The following SP140 variants were observed in gnomAD, a reference collection of about 807,000 sequenced individuals.
The protein encoded by SP140 is nuclear body protein SP140.
Under a neutral mutation model 125.0 loss-of-function variants are expected in SP140, and 81 were observed. That is an observed-to-expected ratio of 0.65 (90% CI 0.54 to 0.78). The LOEUF (loss-of-function observed/expected upper bound fraction) is 0.78. SP140 is among the 30% of genes least tolerant of loss of function. The pLI is 0.00. For synonymous variants in SP140, 312 were observed against 354.0 expected, an observed-to-expected ratio of 0.88 and a Z score of 1.33; for missense variants, 858 against 1,037.0, an observed-to-expected ratio of 0.83 and a Z score of 2.37.
At chr2:230,250,739 G>C (rs9989735) in intron 9 of SP140, among the ~76,000 whole-genome samples, 21,548 of 152,102 alleles carry the variant, frequency 0.14, 1,714 homozygotes, top group Middle Eastern at 0.22. Context: ...AAAGGGGGAG[G>C]GGGAGAAGGA....
At chr2:230,239,009 C>A in intron 3 of SP140, 1 of 1,455,210 alleles carries the variant, frequency 6.9e-7, no homozygotes, top group South Asian at 1.5e-5. Context: ...GCTTGACACC[C>A]TGTGCTAAGG....
the SP140 span, among the ~76,000 whole-genome samples, chr2:230,196,236 T>C: frequency 6.6e-6 from 1 of 152,192 alleles, no homozygotes; most frequent in African/African-American, 2.4e-5. Context: ...ATTGGACAAG[T>C]GTGCAAAGAT....
At chr2:230,204,452 G>T (rs1369723463) in intron 1 of SP140, among the ~76,000 whole-genome samples, 1 of 152,122 alleles carries the variant, frequency 6.6e-6, no homozygotes, top group African/African-American at 2.4e-5. Context: ...AATTGTATTG[G>T]AAATTTCCCT....
intron 1 of SP140, chr2:230,210,103 C>T: frequency 1.2e-6 from 1 of 815,172 alleles, no homozygotes; most frequent in Admixed American, 1.7e-5. Flanking sequence ...GTAGAAAGTA[C>T]ATGCAGCCCA....
chr2:230,310,153 C>T (rs779392908), intron 23 of SP140, 114 bp downstream of exon 23: 4 of 981,650 alleles, frequency 4.1e-6, no homozygotes, highest in Admixed American at 2.2e-5. Context: ...GCAGGTTCAT[C>T]GGGTACTGGG....
At position 230,269,415 on chromosome 2, in the gene SP140, TC is replaced by T. The variant is rs2053600687; in HGVS notation, c.1241-115del. 7.1e-6 allele frequency: 5 copies of T among 703,112 alleles called. No homozygotes were observed. The South Asian group carries it at 8.3e-5, about 12-fold the overall frequency. The allele number at this position is 703,112 out of a possible 1,614,324, so 43.6% of individuals were successfully genotyped here. On this transcript the variant is annotated intron_variant, in intron 12 of 26. Transcript: ENST00000392045. ...GATTATTGGAGCAGGTATATTTTTT[TC>T]CAGAGAACAGTTCATCTTAGCTCAG...
At chr2:230,274,094 T>G (rs563330345) in intron 15 of SP140, among the ~76,000 whole-genome samples, 111 of 146,454 alleles carry the variant, frequency 7.6e-4, no homozygotes, top group African/African-American at 2.7e-3. Context: ...TGCACATATA[T>G]CCTTGAACTT....
chr2:230,200,979 G>T, upstream of SP140: 1 of 1,602,404 alleles, frequency 6.2e-7, no homozygotes, highest in Non-Finnish European at 8.6e-7. Context: ...GAAAATGAAA[G>T]ATCTTAGTAA....
At chr2:230,234,086 T>A (rs2047636486) in intron 1 of SP140, among the ~76,000 whole-genome samples, 1 of 152,234 alleles carries the variant, frequency 6.6e-6, no homozygotes, top group Non-Finnish European at 1.5e-5. Flanking sequence ...TTACTGATAC[T>A]GATTTCTTGA....
In SP140 at chr2:230,287,878, T is replaced by G. The variant is rs2056593155; in HGVS notation, c.1646-14T>G. The G allele has an allele frequency of 6.2e-7, 1 of 1,601,496 alleles. No individual in the cohort carries two copies. Among genetic ancestry groups the G allele is most frequent in the South Asian group, 1.1e-5 (1 of 89,996 alleles). On this transcript the variant is annotated splice_polypyrimidine_tract_variant and intron_variant, in intron 17 of 26. Transcript: ENST00000392045. The stretch of plus-strand genomic sequence containing the variant: ...CTCATAAATGACTGTGATTATATTA[T>G]TCTACTTTCTCAGGGAGAAAGAGAG...
intron 1 of SP140, chr2:230,209,792 T>A: frequency 1.4e-6 from 1 of 710,926 alleles, no homozygotes; most frequent in South Asian, 1.5e-5. Context: ...ATGCAGCAAA[T>A]GGAAACTGCA....
chr2:230,200,479 T>C (rs1273973932), upstream of SP140: 6 of 199,096 alleles, frequency 3.0e-5, no homozygotes, highest in Non-Finnish European at 6.2e-5. Flanking sequence ...ATGAGAAATA[T>C]GGAGATTGGA....
At chr2:230,263,174 AT>A (rs2052553809) in intron 12 of SP140, among the ~76,000 whole-genome samples, 2 of 152,030 alleles carry the variant, frequency 1.3e-5, no homozygotes, top group Admixed American at 1.3e-4. Flanking sequence ...GAATTGTCGT[AT>A]TTTCCTGTTG....
chr2:230,238,495 C>T, intron 3 of SP140, 114 bp downstream of exon 3: 2 of 1,032,426 alleles, frequency 1.9e-6, no homozygotes, highest in South Asian at 1.5e-5. Context: ...TATTACATGC[C>T]AAGCCCAGGG....
chr2:230,258,178 C>T (rs1313738546), intron 12 of SP140, among the ~76,000 whole-genome samples: 1 of 152,140 alleles, frequency 6.6e-6, no homozygotes, highest in East Asian at 1.9e-4. Context: ...GGAAATCTCT[C>T]ATCTAAAGCT....
At chr2:230,259,248 C>T (rs1375100768) in intron 12 of SP140, among the ~76,000 whole-genome samples, 1 of 152,080 alleles carries the variant, frequency 6.6e-6, no homozygotes, top group Non-Finnish European at 1.5e-5. Context: ...CCCTCGCACC[C>T]CTCCCACTCT....
intron 15 of SP140, among the ~76,000 whole-genome samples, chr2:230,277,003 G>T (rs1438011426): frequency 6.6e-6 from 1 of 152,120 alleles, no homozygotes; most frequent in Non-Finnish European, 1.5e-5. Flanking sequence ...AATGAGCAAA[G>T]AAAGCAGTTT....
At chr2:230,306,860 TG>T (rs2058809600) in intron 22 of SP140, among the ~76,000 whole-genome samples, 1 of 151,968 alleles carries the variant, frequency 6.6e-6, no homozygotes, top group South Asian at 2.1e-4. Flanking sequence ...GGCTCCTGGG[TG>T]GGAAGGGGCA....
chr2:230,298,719 G>A (rs1208651899), intron 22 of SP140, among the ~76,000 whole-genome samples: 1 of 152,180 alleles, frequency 6.6e-6, no homozygotes, highest in Non-Finnish European at 1.5e-5. Context: ...TTGTCCTGCA[G>A]CCTGGAATCA....
Sources: gnomAD v4.1 joint callset for allele counts (sites outside exome capture counted in the v4.1 genomes callset) on GRCh38, gnomAD v4.1.1 for gene constraint, MANE v1.5 for transcripts, NCBI Gene and HGNC (gene_info 2026-07-23, HGNC 2026-07-21) for gene names.